The following OLFM2 variants were observed in gnomAD, a reference collection of about 807,000 sequenced individuals.
The protein encoded by OLFM2 is olfactomedin 2, also known as noelin-2.
Under a neutral mutation model 43.9 loss-of-function variants are expected in OLFM2, and 20 were observed. That is an observed-to-expected ratio of 0.46 (90% CI 0.32 to 0.66). OLFM2 has a LOEUF of 0.66. Among genes scored for constraint, OLFM2 ranks in the 30% least tolerant of loss-of-function variants. The pLI is 0.04. For synonymous variants in OLFM2, 268 were observed against 278.6 expected (o/e 0.96, Z 0.38); for missense variants, 416 against 643.6 (o/e 0.65, Z 3.83).
At chr19:9,935,196 T>C (rs571230438) in intron 1 of OLFM2, among the ~76,000 whole-genome samples, 1 of 152,312 alleles carries the variant, frequency 6.6e-6, no homozygotes, top group Admixed American at 6.5e-5. Flanking sequence ...CTGTGCTGTG[T>C]GATTGAAACA....
rs753751803 is a variant in OLFM2 at position 9,854,756 on chromosome 19, C to T, written c.795G>A (p.Pro265=). 1.3e-5 allele frequency: 21 copies of T among 1,613,558 alleles called. No individual in the cohort carries two copies. Among genetic ancestry groups the T allele is most frequent in the Middle Eastern group, 1.6e-4 (1 of 6,082 alleles). The change falls in exon 6 of 6, where the codon CCG becomes CCA. Residue 265 remains proline (P), a synonymous_variant. Transcript: ENST00000264833. The surrounding 1 kb of genome is among the most constrained non-coding windows in gnomAD (Gnocchi z 9.5). ...QNFIQHLLPQ[P]WAGTGHVVYN... is the part of the protein sequence containing the mutation. The stretch of plus-strand genomic sequence containing the variant: ...ACACCACGTGGCCCGTGCCCGCCCA[C>T]GGCTGGGGCAGCAGGTGCTGGATAA...
chr19:9,929,616 A>G (rs1216326760), intron 1 of OLFM2, among the ~76,000 whole-genome samples: 1 of 151,738 alleles, frequency 6.6e-6, no homozygotes, highest in African/African-American at 2.4e-5. Context: ...AAAATAAAAT[A>G]AAATAAAATA....
At chr19:9,862,516 T>TAA (rs61144282) in intron 1 of OLFM2, among the ~76,000 whole-genome samples, 2 of 137,394 alleles carry the variant, frequency 1.5e-5, no homozygotes, top group Non-Finnish European at 3.2e-5. Flanking sequence ...TACTAAAAAT[T>TAA]AAAAAAAAAA....
Position 9,854,964 on chromosome 19 carries a change from C to A in OLFM2, c.688-101G>T, listed in dbSNP as rs955849615. ...TAGAGTTCAACAGTCACTAAGTGGT[C>A]ATTAGTCATGGGAACTCTGTTGACC... On this transcript the variant is annotated intron_variant, in intron 5 of 5. Transcript: ENST00000264833. This position sits in a 1 kb window ranked among gnomAD's most constrained non-coding sequence, Gnocchi z 9.5. 11 of 893,458 alleles carry A rather than the reference C, an allele frequency of 1.2e-5. No individual in the cohort carries two copies. The African/African-American group carries it at 1.5e-4, about 12-fold the overall frequency. The allele number at this position is 893,458 out of a possible 1,614,324, so 55.3% of individuals were successfully genotyped here.
At chr19:9,861,375 CA>C (rs911342952) in intron 1 of OLFM2, among the ~76,000 whole-genome samples, 60 of 145,722 alleles carry the variant, frequency 4.1e-4, no homozygotes, top group Admixed American at 1.2e-3. Flanking sequence ...CCCTGTCTCA[CA>C]AAAAAAAAAG....
chr19:9,918,793 T>C (rs1334631318), intron 1 of OLFM2, among the ~76,000 whole-genome samples: 1 of 152,180 alleles, frequency 6.6e-6, no homozygotes, highest in Non-Finnish European at 1.5e-5. Flanking sequence ...TGATTCTATT[T>C]ATACATAATG....
chr19:9,857,562 C>T lies in OLFM2; in HGVS notation c.361-80G>A, dbSNP rs2046331742. ...CATGACTCCAACCTCTGACTCATAA[C>T]TTCACCCTTTGTCTTTGATGCACAC... On this transcript the variant is annotated intron_variant, in intron 3 of 5. Transcript: ENST00000264833. The surrounding 1 kb of genome is among the most constrained non-coding windows in gnomAD (Gnocchi z 5.7). The T allele has an allele frequency of 7.0e-6, 11 of 1,568,736 alleles. No homozygotes were observed. The highest frequency in any genetic ancestry group is 1.7e-5 in the Admixed American group (1 of 57,240).
At chr19:9,902,308 G>C (rs182508898) in intron 1 of OLFM2, among the ~76,000 whole-genome samples, 2 of 151,608 alleles carry the variant, frequency 1.3e-5, no homozygotes, top group Non-Finnish European at 2.9e-5. Flanking sequence ...GATTACAGGC[G>C]TGAGCCACTG....
At chr19:9,898,233 T>A (rs977856435) in intron 1 of OLFM2, among the ~76,000 whole-genome samples, 1 of 149,188 alleles carries the variant, frequency 6.7e-6, no homozygotes, top group Non-Finnish European at 1.5e-5. Flanking sequence ...TTTAAAAAAA[T>A]TTTTTGTGCT....
chr19:9,870,070 AT>A (rs35204759), intron 1 of OLFM2, among the ~76,000 whole-genome samples: 4 of 149,930 alleles, frequency 2.7e-5, no homozygotes, highest in Admixed American at 6.7e-5. Context: ...TTAAAAAAAA[AT>A]TTTTTTTTTG....
rs2046329376 is a variant in OLFM2 at position 9,857,397 on chromosome 19, A to C, written c.446T>G (p.Leu149Trp). The change falls in exon 4 of 6, where the codon TTG becomes TGG. Residue 149 changes from leucine (L) to tryptophan (W), a missense_variant. Physicochemically the swap from Leu to Trp is moderately conservative, Grantham distance 61 (BLOSUM62 -2). Transcript: ENST00000264833. This position sits in a 1 kb window ranked among gnomAD's most constrained non-coding sequence, Gnocchi z 5.7. ...GGAGAGATTCCTCACCTCCTCCCGC[A>C]AGCGTACAATGGTCCGCGTGTCTGC... is the stretch of plus-strand genomic sequence containing the variant. Reference protein sequence around the residue: ...YKADTRTIVRLREEVRNLSGS... With the variant: ...YKADTRTIVRWREEVRNLSGS... 8.1e-6 allele frequency: 13 copies of C among 1,614,074 alleles called. No homozygotes were observed. Among genetic ancestry groups the C allele is most frequent in the Non-Finnish European group, 1.1e-5 (13 of 1,180,008 alleles).
chr19:9,914,977 A>T (rs1038385013), intron 1 of OLFM2, among the ~76,000 whole-genome samples: 2 of 151,460 alleles, frequency 1.3e-5, no homozygotes, highest in Non-Finnish European at 2.9e-5. Flanking sequence ...ATGAGCGGGG[A>T]GGGGGGCTAG....
chr19:9,913,095 G>T (rs1346295839), intron 1 of OLFM2, among the ~76,000 whole-genome samples: 2 of 151,680 alleles, frequency 1.3e-5, no homozygotes, highest in Admixed American at 6.6e-5. Flanking sequence ...CTAAACCCCC[G>T]AGTCTCACCC....
At chr19:9,866,711 T>C (rs1322963096) in intron 1 of OLFM2, among the ~76,000 whole-genome samples, 1 of 151,922 alleles carries the variant, frequency 6.6e-6, no homozygotes, top group Non-Finnish European at 1.5e-5. Context: ...CCTAGGCCGA[T>C]CTTGAACTCC....
intron 1 of OLFM2, among the ~76,000 whole-genome samples, chr19:9,906,766 C>T (rs1381979622): frequency 6.6e-6 from 1 of 152,152 alleles, no homozygotes; most frequent in African/African-American, 2.4e-5. Flanking sequence ...TCCCGCCTGG[C>T]TTGGCCTTCC....
At chr19:9,874,404 T>G (rs181998342) in intron 1 of OLFM2, among the ~76,000 whole-genome samples, 1 of 146,192 alleles carries the variant, frequency 6.8e-6, no homozygotes, top group Non-Finnish European at 1.5e-5. Flanking sequence ...TGACCTTAAG[T>G]GACCCTCCCA....
chr19:9,902,121 T>C (rs967455276), intron 1 of OLFM2, among the ~76,000 whole-genome samples: 4 of 151,598 alleles, frequency 2.6e-5, no homozygotes, highest in African/African-American at 7.3e-5. Context: ...CTCTGCCTCC[T>C]AGGTTCACTC....
chr19:9,936,277 G>A, intron 1 of OLFM2, 27 bp downstream of exon 1: 1 of 1,526,346 alleles, frequency 6.6e-7, no homozygotes, highest in Non-Finnish European at 8.7e-7. Context: ...AGCCACCCGC[G>A]CCCGCACCTG....
chr19:9,916,882 C>T (rs1028198136), intron 1 of OLFM2, among the ~76,000 whole-genome samples: 1 of 152,174 alleles, frequency 6.6e-6, no homozygotes, highest in Non-Finnish European at 1.5e-5. Flanking sequence ...CCCCACTCAC[C>T]ATCACCTTCT....
Sources: allele counts gnomAD v4.1 joint callset (sites outside exome capture counted in the v4.1 genomes callset), GRCh38; gene constraint gnomAD v4.1.1; non-coding constraint Gnocchi (gnomAD v3.1); transcripts MANE v1.5; gene names NCBI Gene and HGNC (gene_info 2026-07-23, HGNC 2026-07-21).